Variants in STAU2 observed in about 807,000 individuals in gnomAD.
The protein encoded by STAU2 is double-stranded RNA-binding protein Staufen homolog 2.
STAU2 carries 20 observed loss-of-function variants against 65.9 expected under a neutral mutation model. The ratio of observed to expected loss-of-function variants is 0.30; its 90% CI spans 0.21 to 0.44. STAU2 has a LOEUF of 0.44. STAU2 is among the 20% of genes least tolerant of loss of function. STAU2 has a pLI of 1.00. For missense variants in STAU2, 558 were observed against 683.9 expected (o/e 0.82, Z 2.05); for synonymous variants, 232 against 233.9 (o/e 0.99, Z 0.07).
chr8:73,686,736 TAA>T (rs1181396618), intron 5 of STAU2, among the ~76,000 whole-genome samples: 1 of 140,750 alleles, frequency 7.1e-6, no homozygotes, highest in African/African-American at 2.6e-5. Flanking sequence ...ACTATTGAAA[TAA>T]AAAAAAAAAG....
intron 3 of STAU2, among the ~76,000 whole-genome samples, chr8:73,734,807 T>A (rs1806319706): frequency 6.6e-6 from 1 of 151,472 alleles, no homozygotes; most frequent in Non-Finnish European, 1.5e-5. Context: ...AAATAAAAAA[T>A]AAAAAAGCAT....
At chr8:73,707,980 T>C (rs527239668) in intron 4 of STAU2, among the ~76,000 whole-genome samples, 8 of 152,176 alleles carry the variant, frequency 5.3e-5, no homozygotes, top group African/African-American at 1.9e-4. Context: ...GAAAAGAACA[T>C]AAAGCGTTCT....
chr8:73,604,127 A>T (rs1367684457), intron 9 of STAU2, among the ~76,000 whole-genome samples: 5 of 152,208 alleles, frequency 3.3e-5, no homozygotes, highest in Non-Finnish European at 5.9e-5. Context: ...AGTATACCAG[A>T]GGTGCTTCAC....
chr8:73,703,996 T>G (rs1243117886), intron 4 of STAU2, among the ~76,000 whole-genome samples: 1 of 152,198 alleles, frequency 6.6e-6, no homozygotes, highest in Non-Finnish European at 1.5e-5. Flanking sequence ...CTCATGACTC[T>G]TTACTACATT....
intron 5 of STAU2, 85 bp downstream of exon 5, chr8:73,688,567 ACT>A (rs1819114263): frequency 1.4e-6 from 2 of 1,383,332 alleles, no homozygotes; most frequent in African/African-American, 1.5e-5. Flanking sequence ...ATACTTGCTC[ACT>A]CTGTTACTAG....
At chr8:73,524,053 A>G (rs752953398) in intron 13 of STAU2, among the ~76,000 whole-genome samples, 1 of 152,190 alleles carries the variant, frequency 6.6e-6, no homozygotes, top group Non-Finnish European at 1.5e-5. Context: ...TCTCAAAATA[A>G]TATGTGAAAG....
chr8:73,641,622 T>A (rs1326305809), intron 6 of STAU2, among the ~76,000 whole-genome samples: 1 of 152,220 alleles, frequency 6.6e-6, no homozygotes, highest in Non-Finnish European at 1.5e-5. Flanking sequence ...CTACACATTA[T>A]ATACATCTCT....
intron 6 of STAU2, among the ~76,000 whole-genome samples, chr8:73,641,353 C>T (rs560677314): frequency 2.0e-5 from 3 of 151,994 alleles, no homozygotes; most frequent in East Asian, 3.9e-4. Context: ...AATGAGACCC[C>T]TGTCCTCCTA....
chr8:73,631,508 A>G (rs2130029976), intron 6 of STAU2, among the ~76,000 whole-genome samples: 1 of 152,336 alleles, frequency 6.6e-6, no homozygotes, highest in East Asian at 1.9e-4. Context: ...AGCCTCTGGA[A>G]GAATTTAATG....
chr8:73,525,914 C>G (rs1050246546), intron 13 of STAU2, among the ~76,000 whole-genome samples: 1 of 152,168 alleles, frequency 6.6e-6, no homozygotes, highest in Non-Finnish European at 1.5e-5. Context: ...CCTCATGTAT[C>G]CTTAGCACCT....
intron 3 of STAU2, among the ~76,000 whole-genome samples, chr8:73,729,137 C>A (rs1805862169): frequency 6.6e-6 from 1 of 152,138 alleles, no homozygotes; most frequent in Admixed American, 6.5e-5. Flanking sequence ...CTATCAAGAA[C>A]AGCTGTTGAA....
At chr8:73,480,981 T>C (rs1233634932) in intron 13 of STAU2, among the ~76,000 whole-genome samples, 2 of 152,174 alleles carry the variant, frequency 1.3e-5, no homozygotes, top group East Asian at 1.9e-4. Flanking sequence ...TATTTTAAAA[T>C]TCTTGTCATA....
intron 13 of STAU2, among the ~76,000 whole-genome samples, chr8:73,474,834 G>T (rs1435723719): frequency 3.9e-5 from 6 of 152,126 alleles, no homozygotes; most frequent in African/African-American, 1.4e-4. Flanking sequence ...TTCACCAAAA[G>T]ATAAAAATAA....
chr8:73,422,664 T>C lies in STAU2; in HGVS notation c.1569A>G (p.Gly523=), dbSNP rs1385944361. The change falls in exon 14 of 15, where the codon GGA becomes GGG. Residue 523 remains glycine (G), a synonymous_variant. Transcript: ENST00000524300. Reference sequence around the variant, plus strand: ...TCATTGCTCCATCGATTGGATCCAGTCCTTGTTCAGAAAATTGTTTCAAGG... The same window carrying C: ...TCATTGCTCCATCGATTGGATCCAGCCCTTGTTCAGAAAATTGTTTCAAGG... ...LSALKQFSEQ[G]LDPIDGAMNI... The C allele has an allele frequency of 2.0e-6, 3 of 1,508,428 alleles. No homozygotes were observed. Among genetic ancestry groups the C allele is most frequent in the East Asian group, 5.1e-5 (2 of 39,336 alleles). 93.4% of individuals were successfully genotyped at this position (1,508,428 alleles called of 1,614,324 possible).
At position 73,420,436 on chromosome 8, in the gene STAU2, A is replaced by G. The variant is rs924827066; in HGVS notation, c.*936T>C. On this transcript the variant is annotated 3_prime_UTR_variant, in exon 15 of 15. Transcript: ENST00000524300. Reference sequence around the variant, plus strand: ...GCTGGATTCCAACATGCTGGCCCGGAGCGTGGCTGGCTGGAAGCAACTCCA... The same window carrying G: ...GCTGGATTCCAACATGCTGGCCCGGGGCGTGGCTGGCTGGAAGCAACTCCA... 3.4e-6 allele frequency: 1 copy of G among 292,698 alleles called. No homozygotes were observed. The highest frequency in any genetic ancestry group is 2.2e-5 in the African/African-American group (1 of 46,088). The allele number at this position is 292,698 out of a possible 1,614,324, so 18.1% of individuals were successfully genotyped here.
chr8:73,718,666 T>C (rs1422773422), intron 3 of STAU2, among the ~76,000 whole-genome samples: 1 of 152,262 alleles, frequency 6.6e-6, no homozygotes, highest in African/African-American at 2.4e-5. Context: ...AGGTAAAGAA[T>C]CCATGAATAA....
intron 13 of STAU2, among the ~76,000 whole-genome samples, chr8:73,486,434 A>G (rs1820911414): frequency 6.6e-6 from 1 of 151,906 alleles, no homozygotes; most frequent in African/African-American, 2.4e-5. Flanking sequence ...TCAAAATGTC[A>G]TATAACTAGA....
intron 13 of STAU2, among the ~76,000 whole-genome samples, chr8:73,508,092 C>T (rs577848300): frequency 6.6e-6 from 1 of 152,292 alleles, no homozygotes; most frequent in Admixed American, 6.5e-5. Context: ...GCTTTCTTAT[C>T]ATTTGTGTAT....
At chr8:73,715,489 A>G (rs1345808480) in intron 3 of STAU2, among the ~76,000 whole-genome samples, 2 of 151,470 alleles carry the variant, frequency 1.3e-5, no homozygotes, top group African/African-American at 4.8e-5. Flanking sequence ...GAAAAATTCA[A>G]ATTCCAGTGA....
Sources: gnomAD v4.1 joint callset for allele counts (sites outside exome capture counted in the v4.1 genomes callset) on GRCh38, gnomAD v4.1.1 for gene constraint, MANE v1.5 for transcripts, NCBI Gene and HGNC (gene_info 2026-07-23, HGNC 2026-07-21) for gene names.